The following AMZ1 variants were observed in gnomAD, a reference collection of about 807,000 sequenced individuals.
AMZ1 encodes archaelysin family metallopeptidase 1, also known as archaemetzincin-1.
A neutral mutation model predicts 29.9 loss-of-function variants in AMZ1; 39 were observed. That is an observed-to-expected ratio of 1.30 (90% confidence interval 1.01 to 1.70). The LOEUF (loss-of-function observed/expected upper bound fraction) is 1.70. Among genes scored for constraint, AMZ1 ranks in the 40% most tolerant of loss-of-function variants. AMZ1 has a pLI of 0.00. For synonymous variants in AMZ1, 458 were observed against 304.0 expected (o/e 1.51, Z -5.27); for missense variants, 1,041 against 680.6 (o/e 1.53, Z -5.89).
chr7:2,753,154 C>CT (rs34424525), intron 4 of AMZ1, among the ~76,000 whole-genome samples: 4,085 of 147,222 alleles, frequency 0.028, 115 homozygotes, highest in Middle Eastern at 0.076. Flanking sequence ...CAGCATGCGG[C>CT]TTTTTTTTTT....
intron 1 of AMZ1, among the ~76,000 whole-genome samples, chr7:2,696,535 G>A (rs970368293): frequency 3.3e-5 from 5 of 151,442 alleles, no homozygotes; most frequent in Non-Finnish European, 5.9e-5. Context: ...GTGATTACAG[G>A]CGTGAGCCAC....
At chr7:2,696,011 G>A (rs1373251784) in intron 1 of AMZ1, among the ~76,000 whole-genome samples, 1 of 115,098 alleles carries the variant, frequency 8.7e-6, no homozygotes, top group African/African-American at 3.1e-5. Context: ...TGTCTTGGGG[G>A]GGAAAAAAAA....
In AMZ1 at chr7:2,714,503, G is replaced by C. The variant is rs1480184002; in HGVS notation, c.*1625G>C. On this transcript the variant is annotated 3_prime_UTR_variant, in exon 7 of 7. Transcript: ENST00000683327. ...AAAGGCGTAACAGTGACCTGGGAGG[G>C]GAGATGAAGAGCTAGGCCTTTCAGA... The C allele has an allele frequency of 1.3e-5, 2 of 151,648 alleles. No homozygotes were observed. Among genetic ancestry groups the C allele is most frequent in the Non-Finnish European group, 3.0e-5 (2 of 67,764 alleles). The allele number at this position is 151,648 out of a possible 1,614,324, so 9.4% of individuals were successfully genotyped here.
At chr7:2,685,014 C>T (rs890187414), upstream of AMZ1, among the ~76,000 whole-genome samples, 23 of 151,690 alleles carry the variant, frequency 1.5e-4, no homozygotes, top group Non-Finnish European at 2.5e-4. Context: ...GGACTACAGG[C>T]GCCCGCCACC....
chr7:2,747,875 A>G (rs1400112466), intron 4 of AMZ1, among the ~76,000 whole-genome samples: 1 of 152,190 alleles, frequency 6.6e-6, no homozygotes, highest in Admixed American at 6.5e-5. Context: ...AATAACAGAC[A>G]AACAGCCAAA....
intron 1 of AMZ1, among the ~76,000 whole-genome samples, chr7:2,692,597 T>A (rs1787467548): frequency 6.6e-6 from 1 of 152,090 alleles, no homozygotes; most frequent in Non-Finnish European, 1.5e-5. Context: ...CTCGGAGTTG[T>A]TGAGGGCATT....
chr7:2,730,139 C>T (rs762437008), intron 4 of AMZ1: 1 of 152,366 alleles, frequency 6.6e-6, no homozygotes, highest in African/African-American at 2.4e-5. Flanking sequence ...GCTGTTAGCT[C>T]GCCAAGCAGC....
intron 6 of AMZ1, among the ~76,000 whole-genome samples, chr7:2,711,344 C>G (rs1178855324): frequency 6.6e-6 from 1 of 152,226 alleles, no homozygotes; most frequent in Non-Finnish European, 1.5e-5. Flanking sequence ...AGTGAAATGC[C>G]TCTTGAAGAA....
intron 6 of AMZ1, among the ~76,000 whole-genome samples, chr7:2,710,611 G>C (rs7798875): frequency 0.67 from 101,994 of 152,142 alleles, 35,449 homozygotes; most frequent in African/African-American, 0.87. Flanking sequence ...ATCTTGCAGG[G>C]TCCTGGGTGA....
chr7:2,762,645 G>A (rs990167301), upstream of AMZ1: 4 of 1,597,650 alleles, frequency 2.5e-6, no homozygotes, highest in Non-Finnish European at 3.4e-6. Flanking sequence ...GAAGCACAGA[G>A]CGGCAGGACG....
chr7:2,685,590 C>T (rs1787048482), upstream of AMZ1, among the ~76,000 whole-genome samples: 4 of 148,610 alleles, frequency 2.7e-5, no homozygotes, highest in South Asian at 2.1e-4. Context: ...TGCGGTGGCT[C>T]ATGCCTGTAA....
At chr7:2,704,427 G>A (rs933091133) in intron 3 of AMZ1, among the ~76,000 whole-genome samples, 8 of 152,082 alleles carry the variant, frequency 5.3e-5, no homozygotes, top group African/African-American at 1.9e-4. Flanking sequence ...GCAGTGAGCT[G>A]TGATCGTGCT....
At chr7:2,721,618 A>G (rs1034830348), downstream of AMZ1, among the ~76,000 whole-genome samples, 9 of 151,864 alleles carry the variant, frequency 5.9e-5, no homozygotes, top group African/African-American at 2.2e-4. Flanking sequence ...TGGGAGGCTG[A>G]GGCAGGAGAA....
intron 4 of AMZ1, among the ~76,000 whole-genome samples, chr7:2,755,899 T>C (rs542438254): frequency 9.2e-5 from 14 of 152,368 alleles, no homozygotes; most frequent in African/African-American, 2.9e-4. Context: ...GCTCCCCAAA[T>C]TGATCTAGAT....
intron 4 of AMZ1, among the ~76,000 whole-genome samples, chr7:2,733,761 T>C (rs1269401336): frequency 6.6e-6 from 1 of 152,218 alleles, no homozygotes; most frequent in African/African-American, 2.4e-5. Context: ...TGGGTTTTGG[T>C]GTGTGGTGCG....
chr7:2,761,849 A>T (rs1363546608), upstream of AMZ1, among the ~76,000 whole-genome samples: 1 of 152,204 alleles, frequency 6.6e-6, no homozygotes, highest in Non-Finnish European at 1.5e-5. Context: ...AGTACCTAAC[A>T]GCTCTTTAGG....
Position 2,712,844 on chromosome 7 carries a change from C to A in AMZ1, c.1463C>A (p.Ser488Ter). The A allele has an allele frequency of 6.5e-7, 1 of 1,527,136 alleles. No individual in the cohort carries two copies. The highest frequency in any genetic ancestry group is 8.8e-7 in the Non-Finnish European group (1 of 1,137,022). The allele number at this position is 1,527,136 out of a possible 1,614,324, so 94.6% of individuals were successfully genotyped here. The change falls in exon 7 of 7, where the codon TCG becomes TAG. Residue 488 changes from serine to a stop codon, truncating the protein, a stop_gained. Transcript: ENST00000683327. LOFTEE classifies it high-confidence loss of function. ...LSARKLARAE[S>*]APRPWDGEES ...GCCCGAAAACTCGCCAGAGCAGAGT[C>A]GGCCCCCCGTCCCTGGGATGGGGAA...
chr7:2,685,019 G>A (rs192238646), upstream of AMZ1, among the ~76,000 whole-genome samples: 1,358 of 151,772 alleles, frequency 8.9e-3, 12 homozygotes, highest in Non-Finnish European at 0.014. Flanking sequence ...ACAGGCGCCC[G>A]CCACCACGCC....
At chr7:2,736,138 T>G (rs774192959) in intron 4 of AMZ1, among the ~76,000 whole-genome samples, 1 of 152,146 alleles carries the variant, frequency 6.6e-6, no homozygotes, top group Non-Finnish European at 1.5e-5. Context: ...CTAAGAGAAT[T>G]CAGTCATTTC....
Sources: gnomAD v4.1 joint callset for allele counts (sites outside exome capture counted in the v4.1 genomes callset) on GRCh38, gnomAD v4.1.1 for gene constraint, MANE v1.5 for transcripts, NCBI Gene and HGNC (gene_info 2026-07-23, HGNC 2026-07-21) for gene names.